Variants in STS observed in about 807,000 individuals in gnomAD.
STS encodes the protein steryl-sulfatase.
In STS, 7 loss-of-function variants were observed where a neutral mutation model predicts 26.8. That is an observed-to-expected ratio of 0.26 (90% CI 0.15 to 0.49). The LOEUF (loss-of-function observed/expected upper bound fraction) is 0.49, where lower values mean the gene tolerates loss of function less well. STS is among the 20% of genes least tolerant of loss of function. STS has a pLI of 0.98. For missense variants in STS, 434 were observed against 465.6 expected, an observed-to-expected ratio of 0.93 and a Z score of 0.63; for synonymous variants, 199 against 189.4, an observed-to-expected ratio of 1.05 and a Z score of -0.42.
At chrX:7,197,945 C>T (rs1294078130) in intron 2 of STS, among the ~76,000 whole-genome samples, 2 of 111,850 alleles carry the variant, frequency 1.8e-5, no homozygotes, top group African/African-American at 6.5e-5. Flanking sequence ...GTTCCAATGC[C>T]ATATTAATAC....
rs1165555541 is a variant in STS at position 7,352,478 on chromosome X, G to C, written c.*2217G>C. The C allele has an allele frequency of 1.8e-5, 2 of 112,284 alleles. No individual in the cohort carries two copies. Among genetic ancestry groups the C allele is most frequent in the Non-Finnish European group, 3.8e-5 (2 of 53,297 alleles). 9.3% of individuals were successfully genotyped at this position (112,284 alleles called of 1,213,427 possible). ...GAAATCAGGTCGATTTGTGGTAACT[G>C]TAGTCATCTTAAATTTCAAACCATT... On this transcript the variant is annotated 3_prime_UTR_variant, in exon 11 of 11. Coordinates refer to ENST00000674429, the MANE Select transcript of STS (RefSeq NM_001320752.2).
At chrX:7,326,716 C>T (rs185842322) in intron 9 of STS, among the ~76,000 whole-genome samples, 2 of 112,359 alleles carry the variant, frequency 1.8e-5, no homozygotes, top group East Asian at 5.6e-4. Context: ...TGGTGACAGA[C>T]CAGGCGAATG....
intron 10 of STS, among the ~76,000 whole-genome samples, chrX:7,349,317 T>C (rs1295848679): frequency 2.7e-4 from 1 of 3,678 alleles, no homozygotes; most frequent in Non-Finnish European, 6.6e-4. Context: ...ATTTAATTCC[T>C]TTTTTTTTTT....
intron 2 of STS, among the ~76,000 whole-genome samples, chrX:7,242,257 T>C (rs1363938465): frequency 9.0e-6 from 1 of 110,960 alleles, no homozygotes; most frequent in Non-Finnish European, 1.9e-5. Context: ...GTACTTATTA[T>C]ACTCTACATA....
At chrX:7,251,622 G>A (rs780519617) in intron 2 of STS, among the ~76,000 whole-genome samples, 2 of 111,415 alleles carry the variant, frequency 1.8e-5, no homozygotes, top group African/African-American at 3.3e-5. Context: ...ACACATGCAC[G>A]TAAGACACCT....
At chrX:7,219,740 A>G in intron 2 of STS, 2 of 1,177,606 alleles carry the variant, frequency 1.7e-6, no homozygotes, top group African/African-American at 1.7e-5. Context: ...GAAACATACT[A>G]GTTGGGATGT....
chrX:7,231,007 A>G (rs1156509013), intron 2 of STS, among the ~76,000 whole-genome samples: 1 of 111,825 alleles, frequency 8.9e-6, no homozygotes, highest in East Asian at 2.8e-4. Context: ...CAGCCATTCC[A>G]CTCTTAGGTA....
At chrX:7,200,938 T>C (rs1210096716) in intron 2 of STS, among the ~76,000 whole-genome samples, 2 of 105,757 alleles carry the variant, frequency 1.9e-5, no homozygotes, top group Non-Finnish European at 3.9e-5. Context: ...TATAAAACCA[T>C]AAACTGGTTA....
chrX:7,235,513 C>T (rs1270653055), intron 2 of STS, among the ~76,000 whole-genome samples: 2 of 112,009 alleles, frequency 1.8e-5, no homozygotes, highest in African/African-American at 6.5e-5. Flanking sequence ...TGGTTCACGC[C>T]TGTAATCTCA....
At chrX:7,173,748 A>C (rs751701977) in intron 1 of STS, among the ~76,000 whole-genome samples, 1 of 112,179 alleles carries the variant, frequency 8.9e-6, no homozygotes, top group Non-Finnish European at 1.9e-5. Flanking sequence ...TCTTTTGACA[A>C]ATGTGCATTC....
rs61484845 is a variant in STS at position 7,324,448 on chromosome X, G to A, written c.1082-891G>A. On this transcript the variant is annotated intron_variant, in intron 8 of 10. Transcript: ENST00000674429. ...TCAGGGAGAAGACCCCAAAAGAGAA[G>A]GAGATTGTCTACAGAATGTAGATTT... Among the ~76,000 whole-genome samples, 364 of 111,914 alleles carry A rather than the reference G, an allele frequency of 3.3e-3. 1 individual carries two copies. Among genetic ancestry groups the A allele is most frequent in the African/African-American group, 0.012 (355 of 30,800 alleles).
intron 8 of STS, among the ~76,000 whole-genome samples, chrX:7,316,177 A>G (rs1260430208): frequency 8.9e-6 from 1 of 111,803 alleles, no homozygotes; most frequent in African/African-American, 3.3e-5. Context: ...CTTGCAGACA[A>G]TATTAAGTAT....
chrX:7,215,050 T>TACGTATATATGTATATATAC (rs1385433112), intron 2 of STS, among the ~76,000 whole-genome samples: 6 of 89,985 alleles, frequency 6.7e-5, no homozygotes, highest in African/African-American at 2.4e-4. Flanking sequence ...TACATATATA[T>TACGTATATATGTATATATAC]ACGTATATAT....
chrX:7,293,874 T>C (rs1925537085), intron 7 of STS, among the ~76,000 whole-genome samples: 1 of 111,332 alleles, frequency 9.0e-6, no homozygotes, highest in Admixed American at 9.6e-5. Context: ...AGGGTTAGCT[T>C]GAGACCAGGT....
intron 9 of STS, among the ~76,000 whole-genome samples, chrX:7,328,551 C>T (rs1364414395): frequency 3.7e-5 from 3 of 81,188 alleles, no homozygotes. Context: ...TGCTTGCTGA[C>T]CTCATTTTTT....
chrX:7,209,135 A>G (rs1213563530), intron 2 of STS, among the ~76,000 whole-genome samples: 2 of 111,269 alleles, frequency 1.8e-5, no homozygotes, highest in South Asian at 7.4e-4. Flanking sequence ...GGGCCTGACC[A>G]TTACTTAGCC....
intron 8 of STS, among the ~76,000 whole-genome samples, chrX:7,312,608 C>T (rs1271273670): frequency 4.5e-5 from 5 of 110,937 alleles, no homozygotes; most frequent in South Asian, 3.9e-4. Context: ...GTGCTGTTCT[C>T]GTGATAATGA....
Position 7,169,074 on chromosome X carries a change from G to C in STS, c.-134+20991G>C, listed in dbSNP as rs762568039. Among the ~76,000 whole-genome samples, 10 of 111,025 alleles carry C rather than the reference G, an allele frequency of 9.0e-5. No homozygotes were observed. The East Asian group carries it at 2.8e-3, about 32-fold the overall frequency. On this transcript the variant is annotated intron_variant, in intron 1 of 10. Transcript: ENST00000674429. ...GACCACATTAAACCACCATCTGTCT[G>C]GTTCTACAACATTTTCATCACCACC... is the stretch of plus-strand genomic sequence containing the variant.
intron 10 of STS, among the ~76,000 whole-genome samples, chrX:7,341,875 C>T (rs1164792207): frequency 6.4e-5 from 7 of 109,720 alleles, no homozygotes; most frequent in Non-Finnish European, 1.3e-4. Flanking sequence ...TGCAATGGCA[C>T]GATCTCGGCT....
Sources: gnomAD v4.1 joint callset for allele counts (sites outside exome capture counted in the v4.1 genomes callset) on GRCh38, gnomAD v4.1.1 for gene constraint, MANE v1.5 for transcripts, NCBI Gene and HGNC (gene_info 2026-07-23, HGNC 2026-07-21) for gene names.